Variants in ERI2 observed in about 807,000 individuals in gnomAD.
ERI2 encodes the protein ERI1 exoribonuclease family member 2.
Under a neutral mutation model 46.8 loss-of-function variants are expected in ERI2, and 35 were observed. That is an observed-to-expected ratio of 0.75 (90% CI 0.57 to 0.99). The LOEUF (loss-of-function observed/expected upper bound fraction) is 0.99. Among genes scored for constraint, ERI2 ranks in the 50% least tolerant of loss-of-function variants. The probability of loss-of-function intolerance (pLI) is 0.00; values close to 1 mark genes in which losing one functional copy is unlikely to be tolerated. For missense variants in ERI2, 695 were observed against 796.2 expected (o/e 0.87, Z 1.53); for synonymous variants, 224 against 271.0 (o/e 0.83, Z 1.70).
At chr16:20,781,820 G>A in intron 10 of ERI2, 1 of 1,482,678 alleles carries the variant, frequency 6.7e-7, no homozygotes, top group Non-Finnish European at 9.4e-7. Flanking sequence ...CATCTAGTGG[G>A]GAGAGGGGAG....
intron 7 of ERI2, 166 bp from the exon 8 acceptor site, chr16:20,799,517 T>C: frequency 1.6e-6 from 1 of 628,282 alleles, no homozygotes; most frequent in Non-Finnish European, 2.7e-6. Context: ...GTCTTGGAAG[T>C]GGAAGGCTAT....
chr16:20,784,990 G>A (rs1362756299), intron 10 of ERI2: 3 of 1,611,882 alleles, frequency 1.9e-6, no homozygotes, highest in South Asian at 2.2e-5. Flanking sequence ...GAAGCTATAA[G>A]TTTAAAAGCT....
rs1567368795 is a variant in ERI2 at position 20,797,054 on chromosome 16, A to G, written c.*670T>C. 2 of 1,532,878 alleles carry G rather than the reference A, an allele frequency of 1.3e-6. No homozygotes were observed. Among genetic ancestry groups the G allele is most frequent in the East Asian group, 2.4e-5 (1 of 42,236 alleles). 95.0% of individuals were successfully genotyped at this position (1,532,878 alleles called of 1,614,324 possible). ...GAAACCACAAGATGATGGAGAGGTC[A>G]TAAAAACTGTGGTAGTATGCTTAGA... is the stretch of plus-strand genomic sequence containing the variant. On this transcript the variant is annotated 3_prime_UTR_variant, in exon 9 of 9. Coordinates refer to ENST00000357967, the MANE Select transcript of ERI2 (RefSeq NM_001142725.2).
downstream of ERI2, among the ~76,000 whole-genome samples, chr16:20,795,670 G>A (rs140927175): frequency 4.6e-3 from 696 of 152,274 alleles, 6 homozygotes; most frequent in African/African-American, 0.016. Context: ...AGCCAGCTCC[G>A]GGCTGGTAAT....
chr16:20,781,119 T>C, intron 10 of ERI2: 1 of 1,614,000 alleles, frequency 6.2e-7, no homozygotes, highest in Non-Finnish European at 8.5e-7. Flanking sequence ...TGAGCCGACT[T>C]CTATCTTGCA....
chr16:20,788,140 A>T (rs1031723005), intron 10 of ERI2, among the ~76,000 whole-genome samples: 4 of 151,898 alleles, frequency 2.6e-5, no homozygotes, highest in African/African-American at 9.7e-5. Flanking sequence ...CTCTTTGAAA[A>T]GCTTATCTAA....
intron 10 of ERI2, among the ~76,000 whole-genome samples, chr16:20,787,193 A>G (rs534434242): frequency 2.0e-4 from 31 of 152,350 alleles, no homozygotes; most frequent in Non-Finnish European, 2.9e-5. Flanking sequence ...TCCCAAAATA[A>G]TAAGTCATCA....
intron 3 of ERI2, 82 bp from the exon 4 acceptor site, chr16:20,803,005 C>T (rs1424541037): frequency 7.3e-7 from 1 of 1,364,270 alleles, no homozygotes. Context: ...AAACATGTTA[C>T]CATTTTAATT....
At chr16:20,781,611 C>T (rs2080354242) in intron 10 of ERI2, 10 of 924,778 alleles carry the variant, frequency 1.1e-5, no homozygotes, top group Admixed American at 1.8e-5. Context: ...TTTACATTAA[C>T]ATAAACAATG....
chr16:20,780,321 T>TA, exon 11 of ERI2: 1 of 326,226 alleles, frequency 3.1e-6, no homozygotes. Context: ...TACTCATTTT[T>TA]AAAAAATCAC....
chr16:20,796,578 C>T lies in ERI2; in HGVS notation c.*1146G>A. 6.3e-7 allele frequency: 1 copy of T among 1,576,708 alleles called. No homozygotes were observed. The highest frequency in any genetic ancestry group is 8.6e-7 in the Non-Finnish European group (1 of 1,169,008). On this transcript the variant is annotated 3_prime_UTR_variant, in exon 9 of 9. Coordinates refer to ENST00000357967, the MANE Select transcript of ERI2 (RefSeq NM_001142725.2). The stretch of plus-strand genomic sequence containing the variant: ...TACATTTTAATGAATATTTTCTTCA[C>T]ACATGCTGCACCACATGTCCCAAAC...
downstream of ERI2, chr16:20,791,922 T>C: frequency 1.3e-6 from 2 of 1,507,986 alleles, no homozygotes; most frequent in African/African-American, 1.4e-5. Flanking sequence ...AGTGAGACTG[T>C]CTCGGAAAAA....
intron 10 of ERI2, among the ~76,000 whole-genome samples, chr16:20,782,359 C>G (rs1002140589): frequency 2.0e-5 from 3 of 152,248 alleles, no homozygotes; most frequent in African/African-American, 7.2e-5. Context: ...GCAGTATACA[C>G]TGTACTCAAT....
downstream of ERI2, chr16:20,792,013 A>C (rs1303930007): frequency 6.2e-7 from 1 of 1,614,090 alleles, no homozygotes; most frequent in South Asian, 1.1e-5. Context: ...ATAATCCTTC[A>C]AAAACAGCTT....
intron 3 of ERI2, 24 bp from the exon 4 acceptor site, chr16:20,802,947 A>G: frequency 6.5e-7 from 1 of 1,543,740 alleles, no homozygotes; most frequent in Non-Finnish European, 8.8e-7. Context: ...TAATCAATTG[A>G]CAGTTGAATA....
chr16:20,795,445 G>GT (rs1276157331), downstream of ERI2, among the ~76,000 whole-genome samples: 1 of 152,210 alleles, frequency 6.6e-6, no homozygotes, highest in African/African-American at 2.4e-5. Flanking sequence ...CCAAATGGCT[G>GT]TCCTGGTAAT....
At chr16:20,786,032 T>C (rs772817635) in intron 10 of ERI2, 2 of 1,333,998 alleles carry the variant, frequency 1.5e-6, no homozygotes, top group Non-Finnish European at 1.0e-6. Context: ...TGAATAAATT[T>C]TAAGTGACTT....
rs758446135 is a variant in ERI2, at chr16:20,803,689, C to G, written c.24-19G>C. 4 of 1,612,294 alleles carry G rather than the reference C, an allele frequency of 2.5e-6. No homozygotes were observed. The highest frequency in any genetic ancestry group is 3.4e-6 in the Non-Finnish European group (4 of 1,179,116). ...AAGCTGCCTAAAAATGTGAAGCAATCCAAATATGATCAATGAACTCATTCA... is the reference window on the plus strand; with the variant it reads ...AAGCTGCCTAAAAATGTGAAGCAATGCAAATATGATCAATGAACTCATTCA... On this transcript the variant is annotated intron_variant, in intron 1 of 8. Coordinates refer to ENST00000357967, the MANE Select transcript of ERI2 (RefSeq NM_001142725.2).
chr16:20,787,781 C>T (rs1338375175), intron 10 of ERI2, among the ~76,000 whole-genome samples: 1 of 152,238 alleles, frequency 6.6e-6, no homozygotes, highest in Non-Finnish European at 1.5e-5. Flanking sequence ...TGTGGGTACA[C>T]TGTTAAAGCT....
Sources: gnomAD v4.1 joint callset for allele counts (sites outside exome capture counted in the v4.1 genomes callset) on GRCh38, gnomAD v4.1.1 for gene constraint, MANE v1.5 for transcripts, NCBI Gene and HGNC (gene_info 2026-07-23, HGNC 2026-07-21) for gene names.